Variants in FRAS1 observed in about 807,000 individuals in gnomAD.
FRAS1 encodes extracellular matrix organizing protein FRAS1.
FRAS1 carries 290 observed loss-of-function variants against 435.2 expected under a neutral mutation model. The observed-to-expected ratio is 0.67, with a 90% confidence interval of 0.61 to 0.73. The LOEUF (loss-of-function observed/expected upper bound fraction) is 0.73, where lower values mean the gene tolerates loss of function less well. Among genes scored for constraint, FRAS1 ranks in the 30% least tolerant of loss-of-function variants. The pLI is 0.00. For synonymous variants in FRAS1, 1,800 were observed against 1,851.0 expected (o/e 0.97, Z 0.71); for missense variants, 4,860 against 5,001.5 (o/e 0.97, Z 0.85).
intron 2 of FRAS1, among the ~76,000 whole-genome samples, chr4:78,161,112 C>T (rs1396418701): frequency 1.3e-5 from 2 of 151,482 alleles, no homozygotes; most frequent in Non-Finnish European, 2.9e-5. Context: ...GCACTCCAGC[C>T]TGGGAGACAG....
chr4:78,394,163 G>A (rs542170753), intron 29 of FRAS1, among the ~76,000 whole-genome samples: 4 of 152,008 alleles, frequency 2.6e-5, no homozygotes, highest in African/African-American at 9.6e-5. Flanking sequence ...TCCATAGGTT[G>A]CCTTTTCATT....
At chr4:78,513,098 G>A (rs1345287231) in intron 64 of FRAS1, among the ~76,000 whole-genome samples, 1 of 152,074 alleles carries the variant, frequency 6.6e-6, no homozygotes, top group Non-Finnish European at 1.5e-5. Flanking sequence ...AAAAGCAAAG[G>A]AGAGCTTTAA....
chr4:78,527,311 G>A (rs970513660), intron 70 of FRAS1, among the ~76,000 whole-genome samples: 7 of 137,172 alleles, frequency 5.1e-5, no homozygotes, highest in Non-Finnish European at 6.2e-5. Flanking sequence ...ACTGTATTGT[G>A]CTGTATATTC....
At chr4:78,344,568 A>G (rs1730530585) in intron 20 of FRAS1, among the ~76,000 whole-genome samples, 1 of 148,336 alleles carries the variant, frequency 6.7e-6, no homozygotes, top group African/African-American at 2.6e-5. Flanking sequence ...GCTTGCACAC[A>G]ATCGGGGCTC....
chr4:78,498,977 A>G (rs961942007), intron 60 of FRAS1, among the ~76,000 whole-genome samples: 1 of 152,092 alleles, frequency 6.6e-6, no homozygotes, highest in Admixed American at 6.5e-5. Context: ...CCTCCTGAGT[A>G]GCTGCGACCA....
rs2109834219 is a variant in FRAS1 at position 78,057,786 on chromosome 4, G to A, written c.-224G>A. The A allele has an allele frequency of 5.5e-6, 3 of 543,964 alleles. No individual in the cohort carries two copies. The highest frequency in any genetic ancestry group is 3.1e-5 in the Admixed American group (1 of 32,026). 33.7% of individuals were successfully genotyped at this position (543,964 alleles called of 1,614,324 possible). On this transcript the variant is annotated 5_prime_UTR_variant, in exon 1 of 74. Transcript: ENST00000512123. The surrounding 1 kb of genome is among the most constrained non-coding windows in gnomAD (Gnocchi z 4.2). ...CCTGCCTTGCGGGGGAACTCGGCGC[G>A]CTCTCTGCCTGAGCAGCGAGTGAAT...
intron 22 of FRAS1, among the ~76,000 whole-genome samples, chr4:78,367,159 C>T (rs1731303563): frequency 6.6e-6 from 1 of 152,082 alleles, no homozygotes. Context: ...AATCCCACCA[C>T]TTAGGGAGAG....
chr4:78,162,598 G>T (rs1462751659), intron 2 of FRAS1, among the ~76,000 whole-genome samples: 1 of 152,140 alleles, frequency 6.6e-6, no homozygotes, highest in East Asian at 1.9e-4. Flanking sequence ...CAGCTGTAGA[G>T]TTTTCACTGT....
In FRAS1 at chr4:78,286,348, T is replaced by C. The variant is rs1727600862; in HGVS notation, c.1400-57T>C. 1.9e-5 allele frequency: 30 copies of C among 1,603,488 alleles called. No homozygotes were observed. In the South Asian group the frequency reaches 3.3e-4, roughly 18 times the overall value. ...TGTGTAAGCACTGGCATGGGGGTGG[T>C]GTCTTTCAGCTAATCAAATGGTTCC... is the stretch of plus-strand genomic sequence containing the variant. On this transcript the variant is annotated intron_variant, in intron 13 of 73. Transcript: ENST00000512123.
At position 78,385,389 on chromosome 4, in the gene FRAS1, A is replaced by G. The variant is rs943698536; in HGVS notation, c.3648+1246A>G. ...ATTGTTTTTCATCTGATGTTTTTAT[A>G]TCTTTGGTCCAAAAATGAAAGGATC... On this transcript the variant is annotated intron_variant, in intron 28 of 73. Coordinates refer to ENST00000512123, the MANE Select transcript of FRAS1 (RefSeq NM_025074.7). Among the ~76,000 whole-genome samples, 7 of 152,160 alleles carry G rather than the reference A, an allele frequency of 4.6e-5. 1 individual carries two copies. Among genetic ancestry groups the G allele is most frequent in the African/African-American group, 9.7e-5 (4 of 41,444 alleles).
rs969666347 is a variant in FRAS1 at position 78,462,144 on chromosome 4, C to T, written c.6764-1877C>T. ...TAGCACTTTGGGAGGCCGAGGCAGG[C>T]GGATCACCTGAGGTCAGGAGTTAGA... On this transcript the variant is annotated intron_variant, in intron 47 of 73. Transcript: ENST00000512123. Among the ~76,000 whole-genome samples, 12 of 152,242 alleles carry T rather than the reference C, an allele frequency of 7.9e-5. 1 individual carries two copies. Among genetic ancestry groups the T allele is most frequent in the East Asian group, 3.9e-4 (2 of 5,174 alleles).
At chr4:78,159,849 C>A (rs896276588) in intron 2 of FRAS1, among the ~76,000 whole-genome samples, 2 of 152,118 alleles carry the variant, frequency 1.3e-5, no homozygotes, top group African/African-American at 4.8e-5. Flanking sequence ...TCATTGCACT[C>A]CAGCATGGGT....
At chr4:78,307,717 C>T (rs578130951) in intron 14 of FRAS1, among the ~76,000 whole-genome samples, 4 of 152,340 alleles carry the variant, frequency 2.6e-5, no homozygotes, top group East Asian at 3.9e-4. Context: ...CTTCGGCTGG[C>T]GCATGGTGCA....
intron 2 of FRAS1, among the ~76,000 whole-genome samples, chr4:78,128,469 A>G (rs1355612738): frequency 1.3e-5 from 2 of 152,086 alleles, no homozygotes; most frequent in Non-Finnish European, 2.9e-5. Flanking sequence ...ATGGTATCTC[A>G]TTGTGGTTTT....
At chr4:78,329,313 G>C (rs1729842075) in intron 18 of FRAS1, among the ~76,000 whole-genome samples, 1 of 152,212 alleles carries the variant, frequency 6.6e-6, no homozygotes, top group Admixed American at 6.5e-5. Context: ...CTGGATTCCG[G>C]TAACTTTACC....
At chr4:78,360,251 G>A (rs767055375) in intron 20 of FRAS1, among the ~76,000 whole-genome samples, 109 of 152,268 alleles carry the variant, frequency 7.2e-4, no homozygotes, top group South Asian at 1.7e-3. Flanking sequence ...GGAATTAGAG[G>A]AGGCCATTAA....
chr4:78,185,966 C>G (rs1025860952), intron 2 of FRAS1, among the ~76,000 whole-genome samples: 17 of 152,180 alleles, frequency 1.1e-4, no homozygotes, highest in African/African-American at 4.1e-4. Flanking sequence ...AGTCTCGTTG[C>G]TTTCTTGTGC....
chr4:78,516,742 G>A (rs1004617261), intron 66 of FRAS1, among the ~76,000 whole-genome samples: 1 of 152,150 alleles, frequency 6.6e-6, no homozygotes, highest in African/African-American at 2.4e-5. Context: ...CAAGAACAAG[G>A]AAAACTGCCT....
chr4:78,276,554 G>A (rs187858841), intron 9 of FRAS1, among the ~76,000 whole-genome samples: 1,592 of 152,322 alleles, frequency 0.01, 11 homozygotes, highest in Non-Finnish European at 0.017. Flanking sequence ...TCAGCTGCAG[G>A]TCTGTTGGAG....
Sources: allele counts gnomAD v4.1 joint callset (sites outside exome capture counted in the v4.1 genomes callset), GRCh38; gene constraint gnomAD v4.1.1; non-coding constraint Gnocchi (gnomAD v3.1); transcripts MANE v1.5; gene names NCBI Gene and HGNC (gene_info 2026-07-23, HGNC 2026-07-21).